NKAIN2: variants seen among roughly 807,000 people sequenced by gnomAD.
NKAIN2 encodes the protein sodium/potassium-transporting ATPase subunit beta-1-interacting protein 2.
In NKAIN2, 14 loss-of-function variants were observed where a neutral mutation model predicts 32.6. The observed-to-expected ratio is 0.43, with a 90% confidence interval of 0.28 to 0.67. The LOEUF is 0.67. NKAIN2 is among the 30% of genes least tolerant of loss of function. The pLI is 0.17. For synonymous variants in NKAIN2, 80 were observed against 87.2 expected (o/e 0.92, Z 0.46); for missense variants, 198 against 258.3 (o/e 0.77, Z 1.60).
chr6:124,262,029 C>G (rs1355266811), intron 1 of NKAIN2, among the ~76,000 whole-genome samples: 1 of 152,020 alleles, frequency 6.6e-6, no homozygotes, highest in Non-Finnish European at 1.5e-5. Context: ...GCGTGTGCCA[C>G]TCTGCCATCT....
intron 3 of NKAIN2, among the ~76,000 whole-genome samples, chr6:124,358,316 A>T (rs574673359): frequency 8.6e-5 from 13 of 151,990 alleles, no homozygotes; most frequent in African/African-American, 2.4e-5. Context: ...GGGTCAAATG[A>T]TATTTCTAGT....
At chr6:124,032,122 A>G (rs1173804591) in intron 1 of NKAIN2, among the ~76,000 whole-genome samples, 1 of 152,030 alleles carries the variant, frequency 6.6e-6, no homozygotes, top group Non-Finnish European at 1.5e-5. Flanking sequence ...AGGGACACAG[A>G]TGAAGCTGGA....
At chr6:123,817,579 G>A (rs560785141) in intron 1 of NKAIN2, among the ~76,000 whole-genome samples, 3 of 152,258 alleles carry the variant, frequency 2.0e-5, no homozygotes, top group Non-Finnish European at 2.9e-5. Flanking sequence ...CCCGAGGCCC[G>A]TGTCAGAATC....
chr6:124,691,439 A>G (rs546957725), intron 4 of NKAIN2, among the ~76,000 whole-genome samples: 4 of 152,174 alleles, frequency 2.6e-5, no homozygotes, highest in Non-Finnish European at 5.9e-5. Flanking sequence ...CTACTGTACA[A>G]AATTCAAATT....
At chr6:124,340,679 AG>A (rs1424299356) in intron 2 of NKAIN2, among the ~76,000 whole-genome samples, 11 of 152,148 alleles carry the variant, frequency 7.2e-5, no homozygotes, top group African/African-American at 2.4e-4. Context: ...AGCATGTAAA[AG>A]TATAGTTTGG....
In NKAIN2 at chr6:123,847,174, A is replaced by G. The variant is rs79272010; in HGVS notation, c.54+42920A>G. On this transcript the variant is annotated intron_variant, in intron 1 of 6. Coordinates refer to ENST00000368417, the MANE Select transcript of NKAIN2 (RefSeq NM_001040214.3). ...GTATATTTTTAATGAACATGTACCA[A>G]AGGAAACATATTCTGCCATCTCTGA... Among the ~76,000 whole-genome samples, 107 of 152,342 alleles carry G rather than the reference A, an allele frequency of 7.0e-4. 3 individuals are homozygous for G. In the East Asian group the frequency reaches 0.018, roughly 26 times the overall value.
chr6:124,619,519 A>G (rs1015257948), intron 3 of NKAIN2, among the ~76,000 whole-genome samples: 2 of 152,182 alleles, frequency 1.3e-5, no homozygotes, highest in Non-Finnish European at 2.9e-5. Flanking sequence ...TCACTTGAAG[A>G]AAAAACAAAA....
At chr6:123,845,384 A>T (rs1448136451) in intron 1 of NKAIN2, among the ~76,000 whole-genome samples, 1 of 152,248 alleles carries the variant, frequency 6.6e-6, no homozygotes, top group Non-Finnish European at 1.5e-5. Flanking sequence ...ATCAAAAAGA[A>T]TAATACAAAA....
intron 1 of NKAIN2, among the ~76,000 whole-genome samples, chr6:124,212,709 C>T (rs1476741792): frequency 3.3e-5 from 5 of 152,072 alleles, no homozygotes; most frequent in South Asian, 2.1e-4. Context: ...TTTTAGCATT[C>T]GTTGTTCTTC....
chr6:124,709,723 T>A (rs2114598684), intron 4 of NKAIN2, among the ~76,000 whole-genome samples: 1 of 151,746 alleles, frequency 6.6e-6, no homozygotes, highest in Admixed American at 6.6e-5. Flanking sequence ...ATTTGATTCT[T>A]CTCTTTTTTC....
chr6:124,515,697 T>G (rs1778881640), intron 3 of NKAIN2, among the ~76,000 whole-genome samples: 1 of 16,598 alleles, frequency 6.0e-5, no homozygotes, highest in Non-Finnish European at 1.4e-4. Flanking sequence ...CCCTACTTCA[T>G]TTTTCTTCGC....
chr6:123,861,496 G>A (rs1460451137), intron 1 of NKAIN2, among the ~76,000 whole-genome samples: 1 of 152,166 alleles, frequency 6.6e-6, no homozygotes, highest in African/African-American at 2.4e-5. Flanking sequence ...AAGACATTTG[G>A]AAGTGATAAA....
chr6:123,816,487 A>G (rs1451745160), intron 1 of NKAIN2, among the ~76,000 whole-genome samples: 1 of 152,132 alleles, frequency 6.6e-6, no homozygotes, highest in Non-Finnish European at 1.5e-5. Context: ...TCCCCGGTGA[A>G]ATTAGGTGGC....
At chr6:124,027,357 T>C (rs1215639218) in intron 1 of NKAIN2, among the ~76,000 whole-genome samples, 1 of 152,032 alleles carries the variant, frequency 6.6e-6, no homozygotes, top group Non-Finnish European at 1.5e-5. Context: ...GCCACGTTCA[T>C]CTCTAACTCC....
intron 3 of NKAIN2, among the ~76,000 whole-genome samples, chr6:124,458,527 G>T (rs1442471391): frequency 1.3e-5 from 2 of 151,686 alleles, no homozygotes; most frequent in Non-Finnish European, 2.9e-5. Context: ...ATTTCCTCTG[G>T]ATTCATATCT....
intron 5 of NKAIN2, among the ~76,000 whole-genome samples, chr6:124,792,003 A>G (rs536739333): frequency 2.6e-5 from 4 of 152,084 alleles, no homozygotes; most frequent in Non-Finnish European, 4.4e-5. Context: ...CCCTCTTACA[A>G]TCCTCCCAGT....
chr6:124,186,357 C>T (rs1008661851), intron 1 of NKAIN2, among the ~76,000 whole-genome samples: 1 of 151,948 alleles, frequency 6.6e-6, no homozygotes, highest in Non-Finnish European at 1.5e-5. Flanking sequence ...GTGGGAGGAC[C>T]ACTTGAGCAC....
chr6:124,786,412 G>A (rs560594248), intron 4 of NKAIN2, among the ~76,000 whole-genome samples: 158 of 152,072 alleles, frequency 1.0e-3, no homozygotes, highest in Non-Finnish European at 1.6e-3. Flanking sequence ...TAAACGCTAA[G>A]GTTGCTATAT....
chr6:124,353,680 G>T (rs1798834038), intron 2 of NKAIN2, among the ~76,000 whole-genome samples: 1 of 152,040 alleles, frequency 6.6e-6, no homozygotes, highest in Admixed American at 6.5e-5. Context: ...GCTTGAACCT[G>T]GGAGGAGGAG....
Sources: allele counts gnomAD v4.1 joint callset (sites outside exome capture counted in the v4.1 genomes callset), GRCh38; gene constraint gnomAD v4.1.1; transcripts MANE v1.5; gene names NCBI Gene and HGNC (gene_info 2026-07-23, HGNC 2026-07-21).